Variants in GABRG3 observed in about 807,000 individuals in gnomAD.
GABRG3 encodes the protein gamma-aminobutyric acid type A receptor subunit gamma3.
A neutral mutation model predicts 48.8 loss-of-function variants in GABRG3; 25 were observed. The observed-to-expected ratio is 0.51, with a 90% CI of 0.37 to 0.72. GABRG3 has a LOEUF of 0.72. Ranked by LOEUF, GABRG3 falls within the 30% of genes least tolerant of loss-of-function variation. The pLI is 0.00. For synonymous variants in GABRG3, 227 were observed against 217.6 expected (o/e 1.04, Z -0.38); for missense variants, 394 against 577.9 (o/e 0.68, Z 3.26).
At chr15:27,271,391 CG>C (rs1566988507) in intron 3 of GABRG3, 2 of 354,920 alleles carry the variant, frequency 5.6e-6, no homozygotes, top group African/African-American at 4.3e-5. Flanking sequence ...CTGCTTTCCA[CG>C]GGTCTTACGC....
chr15:27,485,452 T>C (rs2150846916), intron 6 of GABRG3, among the ~76,000 whole-genome samples: 1 of 152,192 alleles, frequency 6.6e-6, no homozygotes, highest in South Asian at 2.1e-4. Flanking sequence ...TCACTGAGGT[T>C]GCACCAGGAG....
intron 6 of GABRG3, among the ~76,000 whole-genome samples, chr15:27,493,375 G>T (rs74006967): frequency 0.012 from 1,898 of 152,178 alleles, 46 homozygotes; most frequent in African/African-American, 0.044. Context: ...CAGGTAGATA[G>T]CTTTCAAAAT....
intron 3 of GABRG3, among the ~76,000 whole-genome samples, chr15:27,198,351 C>T (rs1198104469): frequency 6.6e-6 from 1 of 152,138 alleles, no homozygotes; most frequent in Non-Finnish European, 1.5e-5. Flanking sequence ...GAACAGACAT[C>T]TTTCAAAAGA....
At chr15:27,104,263 C>T (rs1897411407) in intron 3 of GABRG3, among the ~76,000 whole-genome samples, 1 of 152,214 alleles carries the variant, frequency 6.6e-6, no homozygotes, top group African/African-American at 2.4e-5. Context: ...CATTTCTGCT[C>T]ATGGCAATTG....
chr15:27,359,446 GAA>G (rs896572135), intron 5 of GABRG3, among the ~76,000 whole-genome samples: 2 of 152,186 alleles, frequency 1.3e-5, no homozygotes, highest in African/African-American at 2.4e-5. Context: ...AATTTAATGA[GAA>G]GAGATATATT....
intron 3 of GABRG3, among the ~76,000 whole-genome samples, chr15:27,299,946 G>T (rs1211042097): frequency 6.6e-6 from 1 of 152,140 alleles, no homozygotes; most frequent in Admixed American, 6.6e-5. Context: ...TATATTCCAG[G>T]TTTGTCTTGG....
At chr15:27,234,141 A>G (rs1889886106) in intron 3 of GABRG3, among the ~76,000 whole-genome samples, 1 of 152,222 alleles carries the variant, frequency 6.6e-6, no homozygotes, top group Non-Finnish European at 1.5e-5. Flanking sequence ...AATCATTTAG[A>G]ACCAACTACC....
At chr15:27,103,824 G>A (rs930932097) in intron 3 of GABRG3, among the ~76,000 whole-genome samples, 2 of 151,994 alleles carry the variant, frequency 1.3e-5, no homozygotes, top group African/African-American at 2.4e-5. Flanking sequence ...AATAGCTTGG[G>A]GCATATCCAC....
chr15:27,266,441 T>C (rs937475471), intron 3 of GABRG3, among the ~76,000 whole-genome samples: 1 of 152,232 alleles, frequency 6.6e-6, no homozygotes, highest in Non-Finnish European at 1.5e-5. Flanking sequence ...TGGATTACTG[T>C]AGCTTTCTAA....
chr15:27,296,797 G>A (rs34931502), intron 3 of GABRG3, among the ~76,000 whole-genome samples: 72,734 of 151,376 alleles, frequency 0.48, 20,097 homozygotes, highest in Non-Finnish European at 0.64. Flanking sequence ...ACTAGTTTAT[G>A]TATTTGCTTT....
chr15:27,410,196 A>G (rs769480970), intron 5 of GABRG3, among the ~76,000 whole-genome samples: 14 of 152,318 alleles, frequency 9.2e-5, no homozygotes, highest in Admixed American at 4.6e-4. Flanking sequence ...TCTTTAGTCT[A>G]TTGTTACGGT....
chr15:27,260,998 GTAT>G lies in GABRG3; in HGVS notation c.271-65809_271-65807del, dbSNP rs143587583. Reference sequence around the variant, plus strand: ...AAGGACACAATGGTATTCTACAGTAGTATTCTACCTGTTTTGTGGGTTTAAAAA... The same window carrying G: ...AAGGACACAATGGTATTCTACAGTAGTCTACCTGTTTTGTGGGTTTAAAAA... On this transcript the variant is annotated intron_variant, in intron 3 of 9. Transcript: ENST00000615808. Among the ~76,000 whole-genome samples the G allele has an allele frequency of 9.8e-3, 1,499 of 152,284 alleles. 14 individuals are homozygous for G. Among genetic ancestry groups the G allele is most frequent in the Non-Finnish European group, 0.014 (955 of 68,028 alleles).
intron 3 of GABRG3, among the ~76,000 whole-genome samples, chr15:27,171,575 TAGAG>T (rs139559244): frequency 2.0e-5 from 3 of 148,620 alleles, no homozygotes; most frequent in South Asian, 4.2e-4. Flanking sequence ...TATATATATA[TAGAG>T]AGAGAGAGAT....
intron 2 of GABRG3, among the ~76,000 whole-genome samples, chr15:26,987,896 C>T (rs1043022988): frequency 7.2e-5 from 11 of 152,102 alleles, no homozygotes; most frequent in African/African-American, 2.7e-4. Context: ...CTCCTAATTT[C>T]CTTTTTGATT....
chr15:27,395,791 T>C (rs1269123458), intron 5 of GABRG3, among the ~76,000 whole-genome samples: 1 of 152,200 alleles, frequency 6.6e-6, no homozygotes, highest in African/African-American at 2.4e-5. Flanking sequence ...TTCTGCTTCA[T>C]TTGGGTTGGG....
At chr15:27,096,397 A>G (rs1351523771) in intron 3 of GABRG3, among the ~76,000 whole-genome samples, 1 of 152,172 alleles carries the variant, frequency 6.6e-6, no homozygotes, top group Non-Finnish European at 1.5e-5. Context: ...ATCAGAAAAA[A>G]TTGTATCTTT....
intron 5 of GABRG3, among the ~76,000 whole-genome samples, chr15:27,354,125 C>G (rs1894750215): frequency 6.6e-6 from 1 of 152,162 alleles, no homozygotes; most frequent in South Asian, 2.1e-4. Flanking sequence ...GGGGAATTTA[C>G]CCTCTAAGCC....
rs1266752466 is a variant in GABRG3, at chr15:27,397,801, AATT to A, written c.574+68914_574+68916del. Among the ~76,000 whole-genome samples the A allele has an allele frequency of 9.1e-3, 1,256 of 138,480 alleles. 8 individuals carry two copies. Among genetic ancestry groups the A allele is most frequent in the African/African-American group, 0.031 (1,177 of 38,238 alleles). 90.8% of individuals were successfully genotyped at this position (138,480 alleles called of 152,430 possible). Reference sequence around the variant, plus strand: ...TTCCAAGGCATTTTCTTCTCTGAAAAATTTTTTTTTTTTTTTTTTTTGAGACGG... The same window carrying A: ...TTCCAAGGCATTTTCTTCTCTGAAAATTTTTTTTTTTTTTTTTTGAGACGG... On this transcript the variant is annotated intron_variant, in intron 5 of 9. Coordinates refer to ENST00000615808, the MANE Select transcript of GABRG3 (RefSeq NM_033223.5).
chr15:27,328,080 G>A (rs543543472), intron 4 of GABRG3, among the ~76,000 whole-genome samples: 44 of 150,862 alleles, frequency 2.9e-4, no homozygotes, highest in Admixed American at 1.3e-3. Flanking sequence ...TCCTCATTTT[G>A]CCAGGGAGGG....
Sources: allele counts gnomAD v4.1 joint callset (sites outside exome capture counted in the v4.1 genomes callset), GRCh38; gene constraint gnomAD v4.1.1; transcripts MANE v1.5; gene names NCBI Gene and HGNC (gene_info 2026-07-23, HGNC 2026-07-21).